EIF3H: variants seen among roughly 807,000 people sequenced by gnomAD.
EIF3H encodes eIF-3-gamma.
Under a neutral mutation model 44.2 loss-of-function variants are expected in EIF3H, and 26 were observed. The observed-to-expected ratio is 0.59, with a 90% CI of 0.43 to 0.82. The LOEUF (loss-of-function observed/expected upper bound fraction) is 0.82. EIF3H is among the 40% of genes least tolerant of loss of function. The pLI, the probability that EIF3H is intolerant of heterozygous loss-of-function variation, is 0.00. For synonymous variants in EIF3H, 166 were observed against 151.9 expected, an observed-to-expected ratio of 1.09 and a Z score of -0.68; for missense variants, 359 against 432.8, an observed-to-expected ratio of 0.83 and a Z score of 1.51.
intron 1 of EIF3H, among the ~76,000 whole-genome samples, chr8:116,752,134 G>C (rs545056243): frequency 2.6e-5 from 4 of 152,322 alleles, no homozygotes; most frequent in African/African-American, 7.2e-5. Flanking sequence ...TCAGGATTCA[G>C]GTATGAAAGC....
At chr8:116,681,236 G>C (rs1473058118) in intron 2 of EIF3H, among the ~76,000 whole-genome samples, 1 of 152,110 alleles carries the variant, frequency 6.6e-6, no homozygotes, top group African/African-American at 2.4e-5. Flanking sequence ...GGTGGAGCAC[G>C]CCTGTAGTCC....
chr8:116,706,014 T>C (rs992430213), intron 2 of EIF3H, among the ~76,000 whole-genome samples: 9 of 149,994 alleles, frequency 6.0e-5, no homozygotes, highest in Non-Finnish European at 1.0e-4. Context: ...CTAGCAGCCA[T>C]GGATAAACTT....
intron 2 of EIF3H, among the ~76,000 whole-genome samples, chr8:116,712,102 T>C (rs1019141415): frequency 1.3e-5 from 2 of 152,212 alleles, no homozygotes; most frequent in Admixed American, 6.5e-5. Context: ...GGACTGCTGC[T>C]GCCGCCGCCG....
intron 2 of EIF3H, among the ~76,000 whole-genome samples, chr8:116,696,260 G>A (rs1193622100): frequency 3.3e-5 from 5 of 152,180 alleles, no homozygotes; most frequent in Non-Finnish European, 7.3e-5. Context: ...TGGAAACATT[G>A]CAAAAGGGCA....
intron 2 of EIF3H, among the ~76,000 whole-genome samples, chr8:116,724,543 C>A (rs1425706855): frequency 6.6e-6 from 1 of 151,840 alleles, no homozygotes; most frequent in African/African-American, 2.4e-5. Context: ...ATACATATTG[C>A]AAACCCCATA....
intron 2 of EIF3H, among the ~76,000 whole-genome samples, chr8:116,725,111 A>C (rs1175248839): frequency 6.6e-6 from 1 of 152,234 alleles, no homozygotes; most frequent in East Asian, 1.9e-4. Flanking sequence ...AAGAAAAAAG[A>C]AGAAAATCCT....
intron 1 of EIF3H, among the ~76,000 whole-genome samples, chr8:116,753,755 T>A (rs1286498786): frequency 6.6e-6 from 1 of 152,220 alleles, no homozygotes; most frequent in African/African-American, 2.4e-5. Context: ...GAAGTGCTTT[T>A]ACCACTGCCC....
At chr8:116,754,399 C>T (rs1815407381) in intron 1 of EIF3H, among the ~76,000 whole-genome samples, 1 of 152,170 alleles carries the variant, frequency 6.6e-6, no homozygotes, top group South Asian at 2.1e-4. Context: ...CCGTGAGCCA[C>T]CACGCCCGGC....
At chr8:116,648,368 T>C (rs1247927224) in intron 6 of EIF3H, among the ~76,000 whole-genome samples, 2 of 152,236 alleles carry the variant, frequency 1.3e-5, no homozygotes, top group Non-Finnish European at 2.9e-5. Context: ...ACTATCTACT[T>C]CACAGCAGTT....
intron 2 of EIF3H, among the ~76,000 whole-genome samples, chr8:116,693,307 G>C (rs1006744401): frequency 1.3e-5 from 2 of 152,136 alleles, no homozygotes; most frequent in African/African-American, 4.8e-5. Flanking sequence ...GCAACTGCTT[G>C]TTAGCTCAAC....
intron 2 of EIF3H, among the ~76,000 whole-genome samples, chr8:116,679,269 C>T (rs1813920035): frequency 1.9e-5 from 1 of 52,076 alleles, no homozygotes; most frequent in African/African-American, 5.2e-5. Context: ...CTCTGCCCGG[C>T]CAGCCGCCCC....
intron 2 of EIF3H, among the ~76,000 whole-genome samples, chr8:116,664,749 CA>C (rs1183914124): frequency 6.7e-6 from 1 of 148,304 alleles, no homozygotes; most frequent in Non-Finnish European, 1.5e-5. Flanking sequence ...TCTTAATTAA[CA>C]AAGTCATTTA....
intron 2 of EIF3H, among the ~76,000 whole-genome samples, chr8:116,677,706 TATAATA>T (rs955587442): frequency 1.3e-5 from 2 of 152,218 alleles, no homozygotes; most frequent in African/African-American, 2.4e-5. Context: ...AACTTGCCCA[TATAATA>T]ATAAGTGACA....
chr8:116,716,243 G>C (rs374921025), intron 2 of EIF3H, among the ~76,000 whole-genome samples: 23 of 152,058 alleles, frequency 1.5e-4, no homozygotes, highest in African/African-American at 5.3e-4. Flanking sequence ...ATGTTGCACA[G>C]CTCCAAAGTA....
At chr8:116,663,032 T>C (rs1165041543) in intron 2 of EIF3H, among the ~76,000 whole-genome samples, 2 of 152,170 alleles carry the variant, frequency 1.3e-5, no homozygotes, top group Admixed American at 1.3e-4. Context: ...AAGAAGCCTC[T>C]GCATATCTGG....
intron 6 of EIF3H, 149 bp downstream of exon 6, chr8:116,648,657 C>T (rs1274173718): frequency 5.1e-6 from 5 of 979,130 alleles, no homozygotes; most frequent in African/African-American, 1.7e-5. Flanking sequence ...TACAAACATG[C>T]CATAAAAATA....
intron 2 of EIF3H, among the ~76,000 whole-genome samples, chr8:116,703,661 G>A (rs1814418313): frequency 6.6e-6 from 1 of 152,326 alleles, no homozygotes; most frequent in Non-Finnish European, 1.5e-5. Context: ...CCCCTGTCCG[G>A]TGGACACATG....
chr8:116,765,734 T>C (rs987416979), exon 1 of EIF3H: 9 of 152,256 alleles, frequency 5.9e-5, no homozygotes, highest in African/African-American at 2.2e-4. Context: ...AGTGAGGAAG[T>C]TGAACCCAGC....
chr8:116,726,321 C>A, intron 1 of EIF3H, 149 bp from the exon 2 acceptor site: 1 of 874,532 alleles, frequency 1.1e-6, no homozygotes, highest in Non-Finnish European at 1.6e-6. Context: ...AAATCCTTTC[C>A]TTTACCCTTA....
Sources: gnomAD v4.1 joint callset for allele counts (sites outside exome capture counted in the v4.1 genomes callset) on GRCh38, gnomAD v4.1.1 for gene constraint, MANE v1.5 for transcripts, NCBI Gene and HGNC (gene_info 2026-07-23, HGNC 2026-07-21) for gene names.